The following MMP26 variants were observed in gnomAD, a reference collection of about 807,000 sequenced individuals.
MMP26 encodes matrix metallopeptidase 26.
In MMP26, 33 loss-of-function variants were observed where a neutral mutation model predicts 31.0. The ratio of observed to expected loss-of-function variants is 1.06; its 90% confidence interval spans 0.81 to 1.42. The LOEUF (loss-of-function observed/expected upper bound fraction) is 1.42, where lower values mean the gene tolerates loss of function less well. MMP26 is among the 40% of genes most tolerant of loss of function. The pLI is 0.00. For synonymous variants in MMP26, 122 were observed against 114.9 expected (o/e 1.06, Z -0.40); for missense variants, 347 against 316.1 (o/e 1.10, Z -0.74).
intron 2 of MMP26, among the ~76,000 whole-genome samples, chr11:4,825,486 G>T (rs958742599): frequency 2.0e-5 from 3 of 151,998 alleles, no homozygotes; most frequent in Admixed American, 1.3e-4. Context: ...GATTTTCATG[G>T]CATACCCTGC....
At chr11:4,924,080 A>G in intron 2 of MMP26, 1 of 1,614,178 alleles carries the variant, frequency 6.2e-7, no homozygotes, top group East Asian at 2.2e-5. Flanking sequence ...ATCAAACCAG[A>G]AAATGCCCAG....
intron 1 of MMP26, chr11:4,709,557 T>C: frequency 2.3e-6 from 1 of 430,716 alleles, no homozygotes; most frequent in Non-Finnish European, 4.7e-6. Context: ...GACATCTGCT[T>C]CTTCGCTCAT....
At chr11:4,776,324 C>T (rs1038059683) in intron 2 of MMP26, among the ~76,000 whole-genome samples, 1 of 152,018 alleles carries the variant, frequency 6.6e-6, no homozygotes, top group Non-Finnish European at 1.5e-5. Flanking sequence ...AGTGAGATTA[C>T]TGGATCAAAT....
At chr11:4,952,800 A>C (rs1477574358) in intron 2 of MMP26, among the ~76,000 whole-genome samples, 1 of 125,380 alleles carries the variant, frequency 8.0e-6, no homozygotes, top group Non-Finnish European at 1.8e-5. Context: ...AAATACCTGG[A>C]AGCACATCGT....
At chr11:4,914,648 T>C (rs1851045260) in intron 2 of MMP26, 6 of 961,726 alleles carry the variant, frequency 6.2e-6, no homozygotes, top group Non-Finnish European at 9.4e-6. Flanking sequence ...ATTTTATGCA[T>C]GTTAGAAATT....
chr11:4,924,092 A>T, intron 2 of MMP26: 1 of 1,614,186 alleles, frequency 6.2e-7, no homozygotes, highest in East Asian at 2.2e-5. Context: ...AATGCCCAGC[A>T]CAGTGGGCAG....
intron 1 of MMP26, among the ~76,000 whole-genome samples, chr11:4,729,993 A>ATTTTTTTTTTTTTTTTTTTT (rs1284424885): frequency 6.6e-6 from 1 of 151,668 alleles, no homozygotes; most frequent in Non-Finnish European, 1.5e-5. Flanking sequence ...TACAGCCCTC[A>ATTTTTTTTTTTTTTTTTTTT]TTTTTGTAGC....
intron 2 of MMP26, among the ~76,000 whole-genome samples, chr11:4,935,244 T>A (rs1250662939): frequency 1.3e-5 from 2 of 151,006 alleles, no homozygotes; most frequent in African/African-American, 4.9e-5. Context: ...TATCCTCTTT[T>A]ATTTCATTGA....
chr11:4,960,157 G>A (rs1846501347), intron 2 of MMP26, among the ~76,000 whole-genome samples: 1 of 151,558 alleles, frequency 6.6e-6, no homozygotes, highest in African/African-American at 2.4e-5. Flanking sequence ...TGGCATAATG[G>A]GTTAAATAGT....
intron 2 of MMP26, chr11:4,848,730 C>A (rs768579248): frequency 3.7e-6 from 6 of 1,613,770 alleles, no homozygotes; most frequent in Non-Finnish European, 5.1e-6. Flanking sequence ...GAGACCCAGG[C>A]ATCGAAAAGA....
chr11:4,902,016 A>G (rs527879918), intron 2 of MMP26, among the ~76,000 whole-genome samples: 1 of 152,374 alleles, frequency 6.6e-6, no homozygotes, highest in South Asian at 2.1e-4. Flanking sequence ...TGCACCTGAC[A>G]TAAAACTTTA....
chr11:4,737,959 G>A (rs921876681), intron 1 of MMP26, among the ~76,000 whole-genome samples: 3 of 152,128 alleles, frequency 2.0e-5, no homozygotes, highest in African/African-American at 7.2e-5. Context: ...TAGGACTACA[G>A]GCTCTAGTCA....
At chr11:4,844,021 A>AAG (rs1309224904) in intron 2 of MMP26, among the ~76,000 whole-genome samples, 3 of 152,206 alleles carry the variant, frequency 2.0e-5, no homozygotes, top group Non-Finnish European at 4.4e-5. Flanking sequence ...AAAATTGACC[A>AAG]ACTTTTAGCC....
chr11:4,987,580 G>A (rs904538098), intron 2 of MMP26, among the ~76,000 whole-genome samples: 10 of 151,786 alleles, frequency 6.6e-5, no homozygotes, highest in South Asian at 4.2e-4. Flanking sequence ...CACCACACCC[G>A]GCTAATTTTG....
intron 2 of MMP26, among the ~76,000 whole-genome samples, chr11:4,847,013 A>C (rs1362846909): frequency 6.6e-6 from 1 of 152,170 alleles, no homozygotes; most frequent in African/African-American, 2.4e-5. Flanking sequence ...CCAGGCTCTG[A>C]ATTTGGCTCA....
intron 2 of MMP26, among the ~76,000 whole-genome samples, chr11:4,823,190 C>T (rs1220202308): frequency 6.6e-6 from 1 of 151,358 alleles, no homozygotes; most frequent in Non-Finnish European, 1.5e-5. Flanking sequence ...TTGAGTCCCT[C>T]CTCTGAAGTG....
intron 2 of MMP26, among the ~76,000 whole-genome samples, chr11:4,970,709 T>C (rs1846654257): frequency 6.6e-6 from 1 of 152,218 alleles, no homozygotes; most frequent in East Asian, 1.9e-4. Context: ...TGAGACCAAA[T>C]GGTCTGTCCT....
At chr11:4,885,801 G>A (rs1850538888) in intron 2 of MMP26, among the ~76,000 whole-genome samples, 1 of 151,978 alleles carries the variant, frequency 6.6e-6, no homozygotes, top group Admixed American at 6.6e-5. Flanking sequence ...TCTCTATTAA[G>A]TTACATTTTA....
intron 2 of MMP26, among the ~76,000 whole-genome samples, chr11:4,842,805 T>C (rs775995616): frequency 2.0e-5 from 3 of 152,172 alleles, no homozygotes; most frequent in Non-Finnish European, 4.4e-5. Flanking sequence ...TCCAAAGTCT[T>C]ACCTGAGACA....
Sources: allele counts gnomAD v4.1 joint callset (sites outside exome capture counted in the v4.1 genomes callset), GRCh38; gene constraint gnomAD v4.1.1; transcripts MANE v1.5; gene names NCBI Gene and HGNC (gene_info 2026-07-23, HGNC 2026-07-21).